PTPRD: variants seen among roughly 807,000 people sequenced by gnomAD.
PTPRD encodes the protein receptor-type tyrosine-protein phosphatase delta.
In PTPRD, 34 loss-of-function variants were observed where a neutral mutation model predicts 214.5. The observed-to-expected ratio is 0.16, with a 90% CI of 0.12 to 0.21. The LOEUF (loss-of-function observed/expected upper bound fraction) is 0.21. Among genes scored for constraint, PTPRD ranks in the 10% least tolerant of loss-of-function variants. PTPRD has a pLI of 1.00. For synonymous variants in PTPRD, 1,128 were observed against 845.7 expected (o/e 1.33, Z -5.79); for missense variants, 2,545 against 2,398.7 (o/e 1.06, Z -1.27).
At chr9:9,786,843 A>C (rs899044672) in intron 5 of PTPRD, among the ~76,000 whole-genome samples, 1 of 152,134 alleles carries the variant, frequency 6.6e-6, no homozygotes, top group Non-Finnish European at 1.5e-5. Flanking sequence ...TATTAACTTC[A>C]TATTTTTACT....
At chr9:9,879,517 T>A (rs1394613031) in intron 5 of PTPRD, among the ~76,000 whole-genome samples, 1 of 152,224 alleles carries the variant, frequency 6.6e-6, no homozygotes, top group Non-Finnish European at 1.5e-5. Context: ...AGAGGGTAAA[T>A]TCTGAGGATT....
At chr9:9,376,305 C>T (rs1445010525) in intron 9 of PTPRD, among the ~76,000 whole-genome samples, 9 of 152,092 alleles carry the variant, frequency 5.9e-5, no homozygotes, top group Admixed American at 5.9e-4. Flanking sequence ...ACTGTTTGCT[C>T]AGGTTTGAGC....
At chr9:9,960,953 C>G (rs1393418085) in intron 4 of PTPRD, among the ~76,000 whole-genome samples, 1 of 151,856 alleles carries the variant, frequency 6.6e-6, no homozygotes, top group South Asian at 2.1e-4. Flanking sequence ...TGAACTCAAA[C>G]AAATTTACAA....
intron 5 of PTPRD, among the ~76,000 whole-genome samples, chr9:9,838,771 T>C (rs1162254328): frequency 6.6e-6 from 1 of 152,202 alleles, no homozygotes; most frequent in Admixed American, 6.6e-5. Context: ...TTTAGTTTAA[T>C]TAGATCCCAT....
chr9:8,601,311 G>T (rs2094845912), intron 14 of PTPRD, among the ~76,000 whole-genome samples: 1 of 152,156 alleles, frequency 6.6e-6, no homozygotes. Flanking sequence ...CACAAGCCTG[G>T]CAGAACTCAC....
intron 9 of PTPRD, among the ~76,000 whole-genome samples, chr9:9,220,832 A>G (rs527391644): frequency 6.6e-6 from 1 of 152,260 alleles, no homozygotes; most frequent in East Asian, 1.9e-4. Context: ...TAATCCTTAT[A>G]GTCATGCAAT....
intron 2 of PTPRD, among the ~76,000 whole-genome samples, chr9:10,399,485 A>G (rs1449941396): frequency 6.6e-6 from 1 of 151,996 alleles, no homozygotes; most frequent in African/African-American, 2.4e-5. Flanking sequence ...AAATGTGTTC[A>G]GGCAGTGGTG....
At chr9:8,830,775 G>A (rs906153340) in intron 11 of PTPRD, among the ~76,000 whole-genome samples, 6 of 152,056 alleles carry the variant, frequency 3.9e-5, no homozygotes, top group Non-Finnish European at 7.4e-5. Flanking sequence ...AATCAAATCC[G>A]TAATTTGGGG....
chr9:9,614,537 T>C (rs933083436), intron 7 of PTPRD, among the ~76,000 whole-genome samples: 3 of 152,184 alleles, frequency 2.0e-5, no homozygotes, highest in Admixed American at 1.3e-4. Context: ...TGGTCTATTG[T>C]GCAAATTTTA....
intron 9 of PTPRD, among the ~76,000 whole-genome samples, chr9:9,190,476 T>C (rs750376581): frequency 2.6e-4 from 40 of 152,136 alleles, no homozygotes; most frequent in South Asian, 6.2e-4. Context: ...AGAAGTGCCT[T>C]TCACCTCCCA....
chr9:8,838,907 TAA>T (rs552465313), intron 11 of PTPRD, among the ~76,000 whole-genome samples: 98 of 151,738 alleles, frequency 6.5e-4, no homozygotes, highest in African/African-American at 2.2e-3. Flanking sequence ...AAATGAATAA[TAA>T]GAGAGAAAAA....
intron 8 of PTPRD, among the ~76,000 whole-genome samples, chr9:9,522,726 C>T (rs1023898593): frequency 1.3e-5 from 2 of 152,040 alleles, no homozygotes; most frequent in African/African-American, 4.8e-5. Flanking sequence ...GAGTAAATTA[C>T]TTAAAATCAA....
At chr9:9,023,911 G>A (rs959943889) in intron 10 of PTPRD, among the ~76,000 whole-genome samples, 1 of 151,738 alleles carries the variant, frequency 6.6e-6, no homozygotes, top group African/African-American at 2.4e-5. Context: ...ATATTGCACA[G>A]CTTTCTCATT....
intron 11 of PTPRD, among the ~76,000 whole-genome samples, chr9:8,960,707 A>T (rs1228375711): frequency 2.0e-5 from 3 of 152,102 alleles, no homozygotes; most frequent in African/African-American, 7.2e-5. Flanking sequence ...GAAGCCAGAG[A>T]CCTACTTTCT....
At chr9:9,383,268 A>C (rs1485302327) in intron 9 of PTPRD, among the ~76,000 whole-genome samples, 1 of 152,088 alleles carries the variant, frequency 6.6e-6, no homozygotes. Flanking sequence ...TTTTTCTCAT[A>C]CTATCCAATG....
chr9:8,393,405 A>G (rs1035208433), intron 36 of PTPRD, among the ~76,000 whole-genome samples: 1 of 152,158 alleles, frequency 6.6e-6, no homozygotes, highest in Non-Finnish European at 1.5e-5. Context: ...TACTAGAATA[A>G]CAGTGCTTGA....
chr9:9,093,994 A>T (rs1249596913), intron 10 of PTPRD, among the ~76,000 whole-genome samples: 2 of 152,160 alleles, frequency 1.3e-5, no homozygotes, highest in Admixed American at 6.5e-5. Context: ...CTCAATACAG[A>T]TATTAAAAAT....
chr9:10,278,689 T>C (rs1178903968), intron 3 of PTPRD, among the ~76,000 whole-genome samples: 2 of 152,188 alleles, frequency 1.3e-5, no homozygotes, highest in Non-Finnish European at 2.9e-5. Context: ...GATTCGAAGA[T>C]AATGATTTTT....
At chr9:8,725,605 A>T (rs1265669225) in intron 12 of PTPRD, among the ~76,000 whole-genome samples, 1 of 152,226 alleles carries the variant, frequency 6.6e-6, no homozygotes, top group Non-Finnish European at 1.5e-5. Context: ...ACACAAACTA[A>T]TGAGAAAAAA....
Sources: gnomAD v4.1 joint callset for allele counts (sites outside exome capture counted in the v4.1 genomes callset) on GRCh38, gnomAD v4.1.1 for gene constraint, MANE v1.5 for transcripts, NCBI Gene and HGNC (gene_info 2026-07-23, HGNC 2026-07-21) for gene names.